The following ARK2N variants were observed in gnomAD, a reference collection of about 807,000 sequenced individuals.
ARK2N encodes the protein arkadia (RNF111) N-terminal like PKA signaling regulator 2N.
At chr18:46,214,320 G>T in the ARK2N span, among the ~76,000 whole-genome samples, 1 of 152,198 alleles carries the variant, frequency 6.6e-6, no homozygotes, top group Non-Finnish European at 1.5e-5. Context: ...ATGTGTGTCT[G>T]TGACCTATGG....
the ARK2N span, among the ~76,000 whole-genome samples, chr18:46,247,665 C>T: frequency 2.6e-5 from 4 of 152,172 alleles, no homozygotes; most frequent in East Asian, 7.7e-4. Context: ...AGCTCAGCTC[C>T]TTGCTTGGTT....
the ARK2N span, among the ~76,000 whole-genome samples, chr18:46,210,701 G>C: frequency 6.6e-6 from 1 of 152,096 alleles, no homozygotes; most frequent in Non-Finnish European, 1.5e-5. Flanking sequence ...CTTGAACTCA[G>C]GAGTGTGTAA....
chr18:46,205,254 A>T, the ARK2N span, among the ~76,000 whole-genome samples: 1 of 152,156 alleles, frequency 6.6e-6, no homozygotes. Flanking sequence ...AGTGATGTTA[A>T]AGGATGGTTA....
the ARK2N span, among the ~76,000 whole-genome samples, chr18:46,188,815 T>A: frequency 3.3e-5 from 5 of 152,140 alleles, no homozygotes; most frequent in African/African-American, 1.2e-4. Context: ...GAGTTCAAGA[T>A]CCTGAGTCAG....
At chr18:46,180,694 ACT>A in the ARK2N span, among the ~76,000 whole-genome samples, 1 of 150,172 alleles carries the variant, frequency 6.7e-6, no homozygotes, top group African/African-American at 2.5e-5. Flanking sequence ...CAAGAGGGAA[ACT>A]CTGTCTCAAA....
the ARK2N span, chr18:46,217,659 A>G: frequency 6.6e-6 from 1 of 152,228 alleles, no homozygotes. Context: ...ACTTATATAA[A>G]TTCAGTAACA....
At chr18:46,174,900 T>C in the ARK2N span, among the ~76,000 whole-genome samples, 23 of 152,306 alleles carry the variant, frequency 1.5e-4, no homozygotes, top group Middle Eastern at 3.4e-3. Flanking sequence ...GGCTTTCTTA[T>C]AGGCTTGGCG....
the ARK2N span, among the ~76,000 whole-genome samples, chr18:46,242,561 A>G: frequency 6.6e-6 from 1 of 151,384 alleles, no homozygotes; most frequent in African/African-American, 2.4e-5. Flanking sequence ...GTGGCTTCAG[A>G]TGTTTTCCTT....
the ARK2N span, among the ~76,000 whole-genome samples, chr18:46,199,899 A>C: frequency 6.6e-6 from 1 of 152,126 alleles, no homozygotes. Context: ...ACTAATACAG[A>C]GTTCAGTTTG....
chr18:46,184,167 T>A, the ARK2N span, among the ~76,000 whole-genome samples: 3 of 152,162 alleles, frequency 2.0e-5, no homozygotes, highest in Non-Finnish European at 4.4e-5. Context: ...ATTTTTGGTA[T>A]TTTTAGTAGA....
At chr18:46,215,251 G>T in the ARK2N span, among the ~76,000 whole-genome samples, 4 of 152,046 alleles carry the variant, frequency 2.6e-5, no homozygotes, top group African/African-American at 9.7e-5. Context: ...CCAGGGCAAC[G>T]GAGGTTGCAG....
At chr18:46,247,230 G>T in the ARK2N span, among the ~76,000 whole-genome samples, 1 of 151,726 alleles carries the variant, frequency 6.6e-6, no homozygotes, top group East Asian at 1.9e-4. Flanking sequence ...GTAACTTTTC[G>T]TTTCATAAAA....
At chr18:46,248,752 T>C in the ARK2N span, among the ~76,000 whole-genome samples, 7 of 152,212 alleles carry the variant, frequency 4.6e-5, no homozygotes, top group East Asian at 1.4e-3. Context: ...ACCCAGCTAA[T>C]TTTTGTATTT....
chr18:46,258,961 T>A, the ARK2N span, among the ~76,000 whole-genome samples: 1 of 152,146 alleles, frequency 6.6e-6, no homozygotes. Context: ...ATAAAATAGT[T>A]GAAATATTTC....
At chr18:46,175,112 AC>A in the ARK2N span, among the ~76,000 whole-genome samples, 1 of 133,420 alleles carries the variant, frequency 7.5e-6, no homozygotes, top group Non-Finnish European at 1.6e-5. Context: ...AAAATTGTCC[AC>A]CCCCCCGCCC....
At chr18:46,255,292 C>G in the ARK2N span, among the ~76,000 whole-genome samples, 5 of 152,144 alleles carry the variant, frequency 3.3e-5, no homozygotes, top group African/African-American at 1.2e-4. Context: ...GTGGCCAATT[C>G]TGGCTTTTTC....
At chr18:46,230,843 C>T in the ARK2N span, among the ~76,000 whole-genome samples, 1 of 152,162 alleles carries the variant, frequency 6.6e-6, no homozygotes, top group South Asian at 2.1e-4. Flanking sequence ...GTTGATACTT[C>T]CTTTTAGTGT....
chr18:46,200,979 CTTTTTTTT>C, the ARK2N span, among the ~76,000 whole-genome samples: 2 of 112,854 alleles, frequency 1.8e-5, no homozygotes, highest in East Asian at 2.5e-4. Flanking sequence ...TTTCTTTTTT[CTTTTTTTT>C]TTTTTTTTTT....
chr18:46,243,375 T>C, the ARK2N span, among the ~76,000 whole-genome samples: 64 of 152,306 alleles, frequency 4.2e-4, no homozygotes, highest in African/African-American at 1.5e-3. Flanking sequence ...AGCCTAGTTA[T>C]TGAGCAGACT....
Sources: allele counts gnomAD v4.1 joint callset (sites outside exome capture counted in the v4.1 genomes callset), GRCh38; gene constraint gnomAD v4.1.1; transcripts MANE v1.5; gene names NCBI Gene and HGNC (gene_info 2026-07-23, HGNC 2026-07-21).